Variants in ZNF618 observed in about 807,000 individuals in gnomAD.
ZNF618 encodes the protein neural precursor cell expressed, developmentally down-regulated 10.
A neutral mutation model predicts 103.0 loss-of-function variants in ZNF618; 34 were observed. The observed-to-expected ratio is 0.33, with a 90% confidence interval of 0.25 to 0.44. The LOEUF is 0.44. ZNF618 is among the 20% of genes least tolerant of loss of function. ZNF618 has a pLI of 1.00. For missense variants in ZNF618, 1,059 were observed against 1,295.4 expected, an observed-to-expected ratio of 0.82 and a Z score of 2.80; for synonymous variants, 551 against 542.2, an observed-to-expected ratio of 1.02 and a Z score of -0.23.
chr9:114,041,303 C>CT (rs1029881153), intron 13 of ZNF618, among the ~76,000 whole-genome samples: 10 of 152,072 alleles, frequency 6.6e-5, no homozygotes, highest in Admixed American at 3.3e-4. Context: ...ATGGTAGTTT[C>CT]TTTTGCTGTG....
intron 1 of ZNF618, among the ~76,000 whole-genome samples, chr9:113,961,649 G>T (rs2132582532): frequency 6.6e-6 from 1 of 152,318 alleles, no homozygotes; most frequent in East Asian, 1.9e-4. Flanking sequence ...CAAGTACAAT[G>T]TGTTAGATAC....
chr9:113,894,790 T>A (rs1829898870), intron 1 of ZNF618, among the ~76,000 whole-genome samples: 1 of 152,162 alleles, frequency 6.6e-6, no homozygotes, highest in South Asian at 2.1e-4. Context: ...AACTACTGAT[T>A]TTTATGTGAT....
rs375411861 is a variant in ZNF618, at chr9:114,024,684, C to A, written c.845-4049C>A. Among the ~76,000 whole-genome samples, 37 of 150,138 alleles carry A rather than the reference C, an allele frequency of 2.5e-4. No homozygotes were observed. The East Asian group carries it at 6.9e-3, about 28-fold the overall frequency. On this transcript the variant is annotated intron_variant, in intron 10 of 14. Coordinates refer to ENST00000374126, the MANE Select transcript of ZNF618 (RefSeq NM_001318042.2). ...CTGGCTAGGGGGAACTCCAAAATAT[C>A]TCCTACTCTTGTGTGACTTTTGAAT...
At chr9:114,042,197 C>G (rs1383402778) in intron 13 of ZNF618, among the ~76,000 whole-genome samples, 1 of 152,152 alleles carries the variant, frequency 6.6e-6, no homozygotes, top group African/African-American at 2.4e-5. Context: ...AAGAATCGAC[C>G]ATAATTTCAC....
At chr9:114,045,628 G>A (rs797021347) in intron 13 of ZNF618, among the ~76,000 whole-genome samples, 3 of 152,086 alleles carry the variant, frequency 2.0e-5, no homozygotes, top group African/African-American at 7.2e-5. Flanking sequence ...TAGCTTTGTA[G>A]TAGTTTGGAA....
intron 9 of ZNF618, among the ~76,000 whole-genome samples, chr9:114,008,833 A>G (rs1288192745): frequency 6.6e-6 from 1 of 152,224 alleles, no homozygotes; most frequent in Non-Finnish European, 1.5e-5. Flanking sequence ...TCTGTTAGCC[A>G]TCCTGAACCT....
At chr9:113,940,076 G>A (rs1292985007) in intron 1 of ZNF618, among the ~76,000 whole-genome samples, 1 of 150,696 alleles carries the variant, frequency 6.6e-6, no homozygotes, top group African/African-American at 2.4e-5. Context: ...TTGCTATATA[G>A]TGCTCTCATT....
chr9:114,043,949 A>T (rs1359017757), intron 13 of ZNF618, among the ~76,000 whole-genome samples: 2 of 152,136 alleles, frequency 1.3e-5, no homozygotes, highest in East Asian at 3.9e-4. Flanking sequence ...TCTGGATATT[A>T]GTCCTTTGTC....
chr9:114,036,191 A>C, intron 12 of ZNF618, 109 bp from the exon 13 acceptor site: 7 of 988,934 alleles, frequency 7.1e-6, no homozygotes, highest in Non-Finnish European at 1.1e-5. Flanking sequence ...CCCTGAGCAC[A>C]GAGACCCGGT....
chr9:113,992,528 C>T (rs904471722), intron 3 of ZNF618, among the ~76,000 whole-genome samples: 12 of 152,156 alleles, frequency 7.9e-5, no homozygotes, highest in Admixed American at 3.9e-4. Flanking sequence ...GGGGAGTTAA[C>T]GTGTTCCTGG....
At chr9:113,973,872 A>G (rs554831884) in intron 2 of ZNF618, among the ~76,000 whole-genome samples, 4 of 152,366 alleles carry the variant, frequency 2.6e-5, no homozygotes, top group South Asian at 2.1e-4. Flanking sequence ...AATCTGGGGT[A>G]GAAGAGGTTA....
chr9:114,020,544 T>TC (rs1239255954), intron 10 of ZNF618, among the ~76,000 whole-genome samples: 2 of 152,280 alleles, frequency 1.3e-5, no homozygotes, highest in African/African-American at 4.8e-5. Context: ...ATTCCATATC[T>TC]CCAAGTATTT....
intron 4 of ZNF618, among the ~76,000 whole-genome samples, chr9:114,001,513 G>C (rs1483063254): frequency 1.3e-5 from 2 of 152,172 alleles, no homozygotes; most frequent in Admixed American, 6.5e-5. Flanking sequence ...TCATGCTGCT[G>C]GTAAGTGACA....
At chr9:113,884,684 G>A (rs1828881374) in intron 1 of ZNF618, among the ~76,000 whole-genome samples, 1 of 151,946 alleles carries the variant, frequency 6.6e-6, no homozygotes, top group South Asian at 2.1e-4. Context: ...GGGACATGAA[G>A]CCAGTTTGTC....
At chr9:113,966,750 C>G (rs1050669810) in intron 1 of ZNF618, among the ~76,000 whole-genome samples, 1 of 152,242 alleles carries the variant, frequency 6.6e-6, no homozygotes, top group Non-Finnish European at 1.5e-5. Flanking sequence ...AAGCAACTCT[C>G]ATCTGCCACC....
At chr9:113,945,858 A>T (rs1834978589) in intron 1 of ZNF618, among the ~76,000 whole-genome samples, 1 of 152,230 alleles carries the variant, frequency 6.6e-6, no homozygotes, top group Non-Finnish European at 1.5e-5. Flanking sequence ...AAGTTAATTA[A>T]TTTGGGATTT....
intron 1 of ZNF618, among the ~76,000 whole-genome samples, chr9:113,895,683 T>A (rs760406158): frequency 2.6e-5 from 4 of 152,154 alleles, no homozygotes; most frequent in Admixed American, 6.5e-5. Flanking sequence ...CCTTGTCATG[T>A]GTAAACAATT....
chr9:114,007,762 G>A (rs909409852), intron 7 of ZNF618, among the ~76,000 whole-genome samples: 1 of 152,030 alleles, frequency 6.6e-6, no homozygotes, highest in Non-Finnish European at 1.5e-5. Context: ...AAATTAAACC[G>A]GTTTTAAAAA....
intron 1 of ZNF618, among the ~76,000 whole-genome samples, chr9:113,916,154 C>CT (rs1156730941): frequency 6.6e-6 from 1 of 151,862 alleles, no homozygotes; most frequent in Middle Eastern, 3.4e-3. Context: ...CACCCGAAAG[C>CT]TTTTTTTGCA....
Sources: gnomAD v4.1 joint callset for allele counts (sites outside exome capture counted in the v4.1 genomes callset) on GRCh38, gnomAD v4.1.1 for gene constraint, MANE v1.5 for transcripts, NCBI Gene and HGNC (gene_info 2026-07-23, HGNC 2026-07-21) for gene names.